DDX4: variants seen among roughly 807,000 people sequenced by gnomAD.
The protein encoded by DDX4 is DEAD-box helicase 4.
In DDX4, 25 loss-of-function variants were observed where a neutral mutation model predicts 100.0. The ratio of observed to expected loss-of-function variants is 0.25; its 90% confidence interval spans 0.18 to 0.35. The LOEUF (loss-of-function observed/expected upper bound fraction) is 0.35. DDX4 is among the 10% of genes least tolerant of loss of function. The pLI, the probability that DDX4 is intolerant of heterozygous loss-of-function variation, is 1.00. For missense variants in DDX4, 635 were observed against 882.4 expected (o/e 0.72, Z 3.55); for synonymous variants, 259 against 275.7 (o/e 0.94, Z 0.60).
Position 55,752,636 on chromosome 5 carries a change from A to G in DDX4, c.127+6415A>G, listed in dbSNP as rs960085276. Among the ~76,000 whole-genome samples the G allele has an allele frequency of 1.5e-4, 22 of 148,008 alleles. 1 individual carries two copies. The highest frequency in any genetic ancestry group is 8.6e-4 in the South Asian group (4 of 4,636). Reference sequence around the variant, plus strand: ...CTTTGCTGTCGTGAGTAATGCCGCAATAAACATACGTGTGCATGTGTCTTT... The same window carrying G: ...CTTTGCTGTCGTGAGTAATGCCGCAGTAAACATACGTGTGCATGTGTCTTT... On this transcript the variant is annotated intron_variant, in intron 3 of 21. Transcript: ENST00000505374.
At chr5:55,788,411 G>A (rs1742364344) in intron 15 of DDX4, among the ~76,000 whole-genome samples, 1 of 152,156 alleles carries the variant, frequency 6.6e-6, no homozygotes, top group African/African-American at 2.4e-5. Flanking sequence ...AGGAGTTTGA[G>A]GCTGCAGTGA....
intron 16 of DDX4, 87 bp downstream of exon 16, chr5:55,790,792 AT>A (rs1171269040): frequency 8.6e-7 from 1 of 1,160,840 alleles, no homozygotes; most frequent in Non-Finnish European, 1.3e-6. Context: ...AGACAGATGT[AT>A]TTAGTAGAGC....
chr5:55,743,579 G>A (rs577022341), intron 2 of DDX4, among the ~76,000 whole-genome samples: 4 of 152,082 alleles, frequency 2.6e-5, no homozygotes, highest in South Asian at 4.2e-4. Flanking sequence ...ACAGGTGCCC[G>A]CCACCATGCC....
intron 3 of DDX4, among the ~76,000 whole-genome samples, chr5:55,756,582 G>A (rs976516889): frequency 1.3e-5 from 2 of 152,094 alleles, no homozygotes; most frequent in Non-Finnish European, 2.9e-5. Flanking sequence ...GTCTTAGAGC[G>A]CATACTGAAG....
chr5:55,785,922 A>G, intron 13 of DDX4, 51 bp downstream of exon 13: 1 of 1,305,702 alleles, frequency 7.7e-7, no homozygotes, highest in South Asian at 1.2e-5. Context: ...CTTTGCCTTT[A>G]AAATACATTA....
At chr5:55,816,365 T>G in intron 21 of DDX4, 98 bp from the exon 22 acceptor site, 1 of 1,482,990 alleles carries the variant, frequency 6.7e-7, no homozygotes, top group South Asian at 1.4e-5. Flanking sequence ...GGTAGATACT[T>G]TGAGTCCTTG....
chr5:55,768,091 T>G (rs1741040451), intron 7 of DDX4, 151 bp downstream of exon 7: 1 of 721,388 alleles, frequency 1.4e-6, no homozygotes, highest in Non-Finnish European at 2.4e-6. Flanking sequence ...AATATTTGAG[T>G]GAGTATTCAG....
chr5:55,751,357 C>T (rs1163013126), intron 3 of DDX4, among the ~76,000 whole-genome samples: 1 of 152,178 alleles, frequency 6.6e-6, no homozygotes, highest in Non-Finnish European at 1.5e-5. Flanking sequence ...CCTCAGCCTC[C>T]TGGGTAGCTG....
intron 15 of DDX4, among the ~76,000 whole-genome samples, chr5:55,789,464 A>G (rs1360195821): frequency 6.6e-6 from 1 of 152,170 alleles, no homozygotes; most frequent in Non-Finnish European, 1.5e-5. Context: ...CTCCATAGGG[A>G]TGCATGATTA....
intron 18 of DDX4, among the ~76,000 whole-genome samples, chr5:55,799,576 A>G (rs1282942247): frequency 6.6e-6 from 1 of 151,772 alleles, no homozygotes; most frequent in Non-Finnish European, 1.5e-5. Context: ...GGTTTTTACC[A>G]TGTTGCCCAG....
At chr5:55,747,052 G>A (rs543986042) in intron 3 of DDX4, among the ~76,000 whole-genome samples, 39 of 152,150 alleles carry the variant, frequency 2.6e-4, no homozygotes, top group African/African-American at 6.5e-4. Context: ...GAGGTCATTC[G>A]AGACCAGCTT....
chr5:55,780,045 G>A lies in DDX4; in HGVS notation c.476G>A (p.Gly159Glu), dbSNP rs370424369. The A allele has an allele frequency of 6.2e-7, 1 of 1,613,960 alleles. No individual in the cohort carries two copies. The highest frequency in any genetic ancestry group is 8.5e-7 in the Non-Finnish European group (1 of 1,179,936). ...GGTAGTTTCCGAGGTTGCCGTGGAG[G>A]ATTTGGTCTAGGAAGTCCAAGTTAG... ...GRGSFRGCRG[G>E]FGLGSPNNDL... is the part of the protein sequence containing the mutation. Residue 159 changes from glycine (G) to glutamate (E), a missense_variant, in exon 8 of 22, where the codon GGA (glycine) becomes GAA (glutamate). By Grantham distance (98) the Gly-to-Glu change is moderately conservative (BLOSUM62 -2). This residue lies in a region of DDX4 where 446 missense variants were observed against 540.8 expected (regional missense o/e 0.82). Coordinates refer to ENST00000505374, the MANE Select transcript of DDX4 (RefSeq NM_024415.3).
At chr5:55,779,747 C>G (rs992119536) in intron 7 of DDX4, among the ~76,000 whole-genome samples, 1 of 152,110 alleles carries the variant, frequency 6.6e-6, no homozygotes, top group Non-Finnish European at 1.5e-5. Flanking sequence ...ATTCTCAAAG[C>G]AAGCAGTGAG....
At chr5:55,810,461 G>C (rs1031286521) in intron 18 of DDX4, among the ~76,000 whole-genome samples, 2 of 152,070 alleles carry the variant, frequency 1.3e-5, no homozygotes, top group African/African-American at 2.4e-5. Context: ...TTTATCACTT[G>C]ATCATCCCTA....
intron 3 of DDX4, among the ~76,000 whole-genome samples, chr5:55,754,598 C>T (rs1474892284): frequency 6.6e-6 from 1 of 151,164 alleles, no homozygotes; most frequent in Non-Finnish European, 1.5e-5. Flanking sequence ...AGGATTTTTG[C>T]ATCAATGTTC....
chr5:55,795,205 TC>T (rs1331314082), intron 17 of DDX4, among the ~76,000 whole-genome samples: 1 of 152,114 alleles, frequency 6.6e-6, no homozygotes, highest in Admixed American at 6.5e-5. Flanking sequence ...CCTCAGCTGA[TC>T]CGTCCGCCTC....
At chr5:55,757,484 A>G (rs577016345) in intron 3 of DDX4, among the ~76,000 whole-genome samples, 126 of 152,268 alleles carry the variant, frequency 8.3e-4, no homozygotes, top group African/African-American at 3.0e-3. Context: ...TGGTGTATAT[A>G]TACACCACTC....
intron 3 of DDX4, among the ~76,000 whole-genome samples, chr5:55,747,089 A>G (rs1759283755): frequency 6.6e-6 from 1 of 152,168 alleles, no homozygotes; most frequent in African/African-American, 2.4e-5. Context: ...GTCTTTGTCT[A>G]CAGAAAATTT....
chr5:55,807,052 T>A (rs1474951509), intron 18 of DDX4, among the ~76,000 whole-genome samples: 70 of 152,296 alleles, frequency 4.6e-4, no homozygotes, highest in African/African-American at 8.2e-4. Context: ...CTTCTTGTTG[T>A]ATTGATCCCT....
Sources: allele counts gnomAD v4.1 joint callset (sites outside exome capture counted in the v4.1 genomes callset), GRCh38; gene constraint gnomAD v4.1.1; regional missense constraint gnomAD v4.1.1; transcripts MANE v1.5; gene names NCBI Gene and HGNC (gene_info 2026-07-23, HGNC 2026-07-21).